Variants in PDSS2 observed in about 807,000 individuals in gnomAD.
PDSS2 encodes the protein all trans-polyprenyl-diphosphate synthase PDSS2.
A neutral mutation model predicts 44.5 loss-of-function variants in PDSS2; 31 were observed. The observed-to-expected ratio is 0.70, with a 90% confidence interval of 0.52 to 0.94. The LOEUF is 0.94. Ranked by LOEUF, PDSS2 falls within the 40% of genes least tolerant of loss-of-function variation. PDSS2 has a pLI of 0.00. For synonymous variants in PDSS2, 157 were observed against 180.3 expected (o/e 0.87, Z 1.03); for missense variants, 452 against 482.2 (o/e 0.94, Z 0.59).
At chr6:107,347,415 G>A (rs146375764) in intron 1 of PDSS2, among the ~76,000 whole-genome samples, 2,625 of 152,014 alleles carry the variant, frequency 0.017, 90 homozygotes, top group African/African-American at 0.06. Flanking sequence ...GATTACAGGC[G>A]CCTGCCATCA....
At chr6:107,399,509 C>G (rs1476494305) in intron 1 of PDSS2, among the ~76,000 whole-genome samples, 1 of 152,182 alleles carries the variant, frequency 6.6e-6, no homozygotes, top group African/African-American at 2.4e-5. Flanking sequence ...ATGATCCTAT[C>G]TTCCCCTAAG....
intron 4 of PDSS2, among the ~76,000 whole-genome samples, chr6:107,235,912 C>T (rs896983042): frequency 2.6e-5 from 4 of 151,856 alleles, no homozygotes; most frequent in Non-Finnish European, 4.4e-5. Context: ...AAATGAATCA[C>T]AAATACTAAA....
At chr6:107,345,321 T>C (rs1778208046) in intron 1 of PDSS2, among the ~76,000 whole-genome samples, 1 of 148,702 alleles carries the variant, frequency 6.7e-6, no homozygotes. Flanking sequence ...TTTTTTATGG[T>C]TTTACTCATC....
At position 107,382,215 on chromosome 6, in the gene PDSS2, G is replaced by A. The variant is rs181912836; in HGVS notation, c.297-47883C>T. 3.9e-5 allele frequency among the ~76,000 whole-genome samples: 6 copies of A among 152,148 alleles called. No individual in the cohort carries two copies. In the East Asian group the frequency reaches 5.8e-4, roughly 15 times the overall value. On this transcript the variant is annotated intron_variant, in intron 1 of 7. Coordinates refer to ENST00000369037, the MANE Select transcript of PDSS2 (RefSeq NM_020381.4). ...CTACACCTTTTATAATGTCAGGTGC[G>A]GGAGGTAAACAAAAATGGCTGAAAA...
chr6:107,394,456 C>T (rs979989380), intron 1 of PDSS2, among the ~76,000 whole-genome samples: 19 of 152,048 alleles, frequency 1.2e-4, no homozygotes, highest in African/African-American at 4.3e-4. Flanking sequence ...GAGGAGGTGC[C>T]ACACAATTTT....
chr6:107,436,714 T>G (rs1781359069), intron 1 of PDSS2, among the ~76,000 whole-genome samples: 1 of 152,116 alleles, frequency 6.6e-6, no homozygotes, highest in Non-Finnish European at 1.5e-5. Flanking sequence ...TTCAAATAGC[T>G]AGGAGGGTAA....
At chr6:107,344,230 AT>A (rs1407848901) in intron 1 of PDSS2, among the ~76,000 whole-genome samples, 13 of 152,194 alleles carry the variant, frequency 8.5e-5, no homozygotes, top group African/African-American at 3.1e-4. Context: ...TGACAGCAAT[AT>A]TACTCAGTTA....
intron 1 of PDSS2, among the ~76,000 whole-genome samples, chr6:107,360,209 T>C (rs1778726052): frequency 6.6e-6 from 1 of 152,196 alleles, no homozygotes; most frequent in South Asian, 2.1e-4. Flanking sequence ...ATAATTGAGG[T>C]GGCAAGCAAA....
chr6:107,361,853 A>C (rs952374804), intron 1 of PDSS2, among the ~76,000 whole-genome samples: 3 of 152,260 alleles, frequency 2.0e-5, no homozygotes, highest in African/African-American at 7.2e-5. Flanking sequence ...TATGAGTTTA[A>C]GACATCCTTG....
At chr6:107,454,471 C>T (rs1312700527) in intron 1 of PDSS2, among the ~76,000 whole-genome samples, 5 of 152,308 alleles carry the variant, frequency 3.3e-5, no homozygotes, top group Non-Finnish European at 7.4e-5. Context: ...GAGCTAAATG[C>T]TCCTCTATTC....
chr6:107,414,133 T>C (rs1780589423), intron 1 of PDSS2, among the ~76,000 whole-genome samples: 1 of 152,252 alleles, frequency 6.6e-6, no homozygotes, highest in African/African-American at 2.4e-5. Context: ...AGATCTATTT[T>C]GGGAGAATTA....
At chr6:107,295,136 G>A (rs1232474843) in intron 2 of PDSS2, among the ~76,000 whole-genome samples, 1 of 152,098 alleles carries the variant, frequency 6.6e-6, no homozygotes, top group African/African-American at 2.4e-5. Context: ...GTTTTGCCAT[G>A]TTGGCCAGGC....
chr6:107,424,504 T>C (rs1038423228), intron 1 of PDSS2, among the ~76,000 whole-genome samples: 2 of 152,194 alleles, frequency 1.3e-5, no homozygotes, highest in Admixed American at 1.3e-4. Context: ...AACCTTTCAG[T>C]TCCACTCTTA....
intron 1 of PDSS2, among the ~76,000 whole-genome samples, chr6:107,437,870 G>A (rs1032867223): frequency 3.3e-5 from 5 of 152,172 alleles, no homozygotes; most frequent in Non-Finnish European, 7.4e-5. Flanking sequence ...TTTCACTCTC[G>A]ACACAGGAAA....
rs1013158165 is a variant in PDSS2, at chr6:107,158,369, G to C, written c.1042-3592C>G. Among the ~76,000 whole-genome samples, 3 of 151,858 alleles carry C rather than the reference G, an allele frequency of 2.0e-5. No individual in the cohort carries two copies. The East Asian group carries it at 5.8e-4, about 30-fold the overall frequency. On this transcript the variant is annotated intron_variant, in intron 7 of 7. Transcript: ENST00000369037. The stretch of plus-strand genomic sequence containing the variant: ...CTGGCTAATTTTTTTATTTTTAGTG[G>C]AGACGGGGTTTCTCCATCTTGGCCA...
chr6:107,255,165 A>G (rs1774967382), intron 3 of PDSS2, among the ~76,000 whole-genome samples: 1 of 148,776 alleles, frequency 6.7e-6, no homozygotes, highest in East Asian at 2.0e-4. Flanking sequence ...AATTAAATTA[A>G]AAGTTTCATT....
intron 1 of PDSS2, among the ~76,000 whole-genome samples, chr6:107,452,484 G>A (rs952064887): frequency 4.0e-5 from 6 of 150,906 alleles, no homozygotes; most frequent in African/African-American, 1.5e-4. Flanking sequence ...CACCTGCCTC[G>A]GCCTCCCAAA....
At chr6:107,344,502 C>A (rs1208441785) in intron 1 of PDSS2, among the ~76,000 whole-genome samples, 1 of 152,122 alleles carries the variant, frequency 6.6e-6, no homozygotes, top group Non-Finnish European at 1.5e-5. Flanking sequence ...ATTGATATGG[C>A]TCGAGGGCCA....
At chr6:107,360,384 G>A (rs1261993590) in intron 1 of PDSS2, among the ~76,000 whole-genome samples, 2 of 152,220 alleles carry the variant, frequency 1.3e-5, no homozygotes, top group East Asian at 1.9e-4. Flanking sequence ...TAGAGTCTGT[G>A]GAAGTACTCT....
Sources: gnomAD v4.1 joint callset for allele counts (sites outside exome capture counted in the v4.1 genomes callset) on GRCh38, gnomAD v4.1.1 for gene constraint, MANE v1.5 for transcripts, NCBI Gene and HGNC (gene_info 2026-07-23, HGNC 2026-07-21) for gene names.